STARD8: variants seen among roughly 807,000 people sequenced by gnomAD.
STARD8 encodes StAR related lipid transfer domain containing 8.
STARD8 carries 25 observed loss-of-function variants against 69.4 expected under a neutral mutation model. That is an observed-to-expected ratio of 0.36 (90% CI 0.26 to 0.50). The LOEUF (loss-of-function observed/expected upper bound fraction) is 0.50, where lower values mean the gene tolerates loss of function less well. Ranked by LOEUF, STARD8 falls within the 20% of genes least tolerant of loss-of-function variation. STARD8 has a pLI of 0.96. For synonymous variants in STARD8, 389 were observed against 374.6 expected (o/e 1.04, Z -0.45); for missense variants, 921 against 932.5 (o/e 0.99, Z 0.16).
At chrX:68,721,205 T>A in intron 9 of STARD8, 83 bp downstream of exon 9, 4 of 1,057,465 alleles carry the variant, frequency 3.8e-6, no homozygotes, top group Non-Finnish European at 5.2e-6. Context: ...ATAAACCTGG[T>A]GCAGGCAAAT....
rs746445407 is a variant in STARD8 at position 68,699,952 on chromosome X, G to T, written c.80-12962G>T. Among the ~76,000 whole-genome samples the T allele has an allele frequency of 2.7e-5, 3 of 111,618 alleles. No homozygotes were observed. In the East Asian group the frequency reaches 8.5e-4, roughly 32 times the overall value. On this transcript the variant is annotated intron_variant, in intron 2 of 14. Coordinates refer to ENST00000374599, the MANE Select transcript of STARD8 (RefSeq NM_001142503.3). ...GCCCCCATAGTGGAGGACAAGCCTG[G>T]TGTTAGTAGGTGTTCCCCTTGTTGA... is the stretch of plus-strand genomic sequence containing the variant.
intron 12 of STARD8, among the ~76,000 whole-genome samples, chrX:68,723,182 TA>T (rs1319693545): frequency 8.9e-6 from 1 of 112,562 alleles, no homozygotes; most frequent in African/African-American, 3.2e-5. Context: ...GTGTCCTGTG[TA>T]AAAAAATGGT....
chrX:68,710,836 C>T (rs1368800246), intron 2 of STARD8, among the ~76,000 whole-genome samples: 2 of 112,299 alleles, frequency 1.8e-5, no homozygotes, highest in African/African-American at 6.5e-5. Flanking sequence ...TCTGGCACCT[C>T]CCTTTTGTCC....
intron 1 of STARD8, among the ~76,000 whole-genome samples, chrX:68,653,139 C>CCA (rs2079574713): frequency 1.4e-5 from 1 of 71,245 alleles, no homozygotes; most frequent in East Asian, 5.0e-4. Flanking sequence ...ACACCACACA[C>CCA]CACACACACC....
chrX:68,724,507 G>A lies in STARD8; in HGVS notation c.*85G>A. ...GGGAATAAGAGCAGGGCAGCCCCCT[G>A]GGTGCCGCTGTCAGGAGCAGAGCCA... On this transcript the variant is annotated 3_prime_UTR_variant, in exon 15 of 15. Coordinates refer to ENST00000374599, the MANE Select transcript of STARD8 (RefSeq NM_001142503.3). The A allele has an allele frequency of 1.2e-6, 1 of 828,219 alleles. No homozygotes were observed. The highest frequency in any genetic ancestry group is 1.7e-6 in the Non-Finnish European group (1 of 577,795). 68.3% of individuals were successfully genotyped at this position (828,219 alleles called of 1,213,427 possible).
Position 68,685,198 on chromosome X carries a change from G to A in STARD8, c.79+19666G>A, listed in dbSNP as rs1417229318. Among the ~76,000 whole-genome samples the A allele has an allele frequency of 4.5e-5, 5 of 111,843 alleles. No homozygotes were observed. The Admixed American group carries it at 4.7e-4, about 11-fold the overall frequency. On this transcript the variant is annotated intron_variant, in intron 2 of 14. Transcript: ENST00000374599. ...ACCTTCACCCATGTACCCCTTTATC[G>A]TTCACAAAGCACATTCATTATTCCC...
chrX:68,664,423 C>G (rs969071202), intron 1 of STARD8, among the ~76,000 whole-genome samples: 1 of 112,210 alleles, frequency 8.9e-6, no homozygotes, highest in African/African-American at 3.2e-5. Context: ...CATTCTCCTG[C>G]TCTATATCCA....
At chrX:68,701,538 G>C (rs1033764018) in intron 2 of STARD8, among the ~76,000 whole-genome samples, 1 of 113,084 alleles carries the variant, frequency 8.8e-6, no homozygotes, top group Non-Finnish European at 1.9e-5. Flanking sequence ...TGTCTGCTCT[G>C]TGCACTTCTT....
intron 1 of STARD8, among the ~76,000 whole-genome samples, chrX:68,657,278 G>A (rs777868351): frequency 9.8e-5 from 11 of 111,823 alleles, no homozygotes; most frequent in Admixed American, 3.8e-4. Context: ...TGTTATCTTG[G>A]ACAAAATGTG....
chrX:68,712,451 G>A (rs1467340914), intron 2 of STARD8, among the ~76,000 whole-genome samples: 1 of 112,727 alleles, frequency 8.9e-6, no homozygotes. Flanking sequence ...TGTTAGATGC[G>A]ATGATGAGAA....
intron 2 of STARD8, among the ~76,000 whole-genome samples, chrX:68,696,411 C>A (rs2079920013): frequency 8.9e-6 from 1 of 112,143 alleles, no homozygotes; most frequent in African/African-American, 3.2e-5. Context: ...GAGGCCACAG[C>A]CTGGGCCCTT....
intron 11 of STARD8, 124 bp downstream of exon 11, chrX:68,722,285 A>G: frequency 1.2e-6 from 1 of 823,518 alleles, no homozygotes; most frequent in South Asian, 2.6e-5. Context: ...TATACCCCCA[A>G]CTCTTCCCCC....
chrX:68,724,272 A>G, intron 14 of STARD8, 33 bp from the exon 15 acceptor site: 1 of 1,198,163 alleles, frequency 8.3e-7, no homozygotes, highest in East Asian at 3.0e-5. Flanking sequence ...GGAAAAATCC[A>G]TTGCTCATGC....
Position 68,695,512 on chromosome X carries a change from T to G in STARD8, c.80-17402T>G, listed in dbSNP as rs145734899. Among the ~76,000 whole-genome samples the G allele has an allele frequency of 3.5e-4, 39 of 111,441 alleles. No homozygotes were observed. The East Asian group carries it at 0.011, about 32-fold the overall frequency. On this transcript the variant is annotated intron_variant, in intron 2 of 14. Coordinates refer to ENST00000374599, the MANE Select transcript of STARD8 (RefSeq NM_001142503.3). ...GAATTATGCTAAACCTCTCTGTGCATCTACAGCTCCCCTCCCCCACCTAGA... is the reference window on the plus strand; with the variant it reads ...GAATTATGCTAAACCTCTCTGTGCAGCTACAGCTCCCCTCCCCCACCTAGA...
At chrX:68,670,509 A>G (rs932267073) in intron 2 of STARD8, among the ~76,000 whole-genome samples, 1 of 111,269 alleles carries the variant, frequency 9.0e-6, no homozygotes, top group African/African-American at 3.3e-5. Flanking sequence ...GCTGTTTTCA[A>G]GAGTGCAAGA....
At chrX:68,648,383 G>T (rs1402800892) in intron 1 of STARD8, among the ~76,000 whole-genome samples, 4 of 111,469 alleles carry the variant, frequency 3.6e-5, no homozygotes, top group Non-Finnish European at 7.5e-5. Context: ...ACAAACAATG[G>T]TATCTATTAT....
chrX:68,723,155 A>C (rs1223466608), intron 12 of STARD8, among the ~76,000 whole-genome samples: 1 of 112,819 alleles, frequency 8.9e-6, no homozygotes, highest in Non-Finnish European at 1.9e-5. Context: ...GATTCTGAGT[A>C]AGATTGCAAG....
intron 2 of STARD8, among the ~76,000 whole-genome samples, chrX:68,668,842 T>G (rs1477527788): frequency 8.9e-6 from 1 of 112,200 alleles, no homozygotes; most frequent in Non-Finnish European, 1.9e-5. Context: ...CAACCTGATT[T>G]TAAATAATAA....
chrX:68,721,023 G>A lies in STARD8; in HGVS notation c.2149G>A (p.Ala717Thr). 3 of 1,211,903 alleles carry A rather than the reference G, an allele frequency of 2.5e-6. No homozygotes were observed. The highest frequency in any genetic ancestry group is 3.3e-6 in the Non-Finnish European group (3 of 895,531). The change falls in exon 9 of 15, where the codon GCC becomes ACC. Residue 717 changes from alanine (A) to threonine (T), a missense_variant. Physicochemically the swap from Ala to Thr is moderately conservative, Grantham distance 58. Transcript: ENST00000374599. ...CAATGTCTGCTACGAGGGCCAGTCA[G>A]CCTACGACGTGGCTGACCTGCTAAA... The part of the protein sequence containing the change: ...PDNVCYEGQS[A>T]YDVADLLKQY...
Sources: gnomAD v4.1 joint callset for allele counts (sites outside exome capture counted in the v4.1 genomes callset) on GRCh38, gnomAD v4.1.1 for gene constraint, MANE v1.5 for transcripts, NCBI Gene and HGNC (gene_info 2026-07-23, HGNC 2026-07-21) for gene names.